The following MCPH1 variants were observed in gnomAD, a reference collection of about 807,000 sequenced individuals.
MCPH1 encodes microcephalin.
MCPH1 carries 104 observed loss-of-function variants against 84.5 expected under a neutral mutation model. The ratio of observed to expected loss-of-function variants is 1.23; its 90% CI spans 1.05 to 1.45. MCPH1 has a LOEUF of 1.45. Among genes scored for constraint, MCPH1 ranks in the 40% most tolerant of loss-of-function variants. MCPH1 has a pLI of 0.00. For synonymous variants in MCPH1, 514 were observed against 366.8 expected, an observed-to-expected ratio of 1.40 and a Z score of -4.58; for missense variants, 1,498 against 1,005.7, an observed-to-expected ratio of 1.49 and a Z score of -6.62.
chr8:6,450,194 T>C (rs993164135), intron 8 of MCPH1, among the ~76,000 whole-genome samples: 1 of 152,196 alleles, frequency 6.6e-6, no homozygotes, highest in African/African-American at 2.4e-5. Flanking sequence ...GATGGTTAAC[T>C]ACTCTTCTAC....
chr8:6,620,480 T>G (rs1486643930), intron 12 of MCPH1, among the ~76,000 whole-genome samples: 1 of 152,116 alleles, frequency 6.6e-6, no homozygotes, highest in Non-Finnish European at 1.5e-5. Context: ...AGGTCAGCCT[T>G]GCCTGCTGCC....
At chr8:6,411,373 A>T (rs1276928047) in intron 2 of MCPH1, among the ~76,000 whole-genome samples, 1 of 152,244 alleles carries the variant, frequency 6.6e-6, no homozygotes, top group African/African-American at 2.4e-5. Context: ...AATAAATAAC[A>T]AAAAGCAAGT....
intron 1 of MCPH1, among the ~76,000 whole-genome samples, chr8:6,408,416 C>G (rs556319596): frequency 5.9e-5 from 9 of 152,230 alleles, no homozygotes; most frequent in African/African-American, 2.2e-4. Context: ...GAGCCAGGGT[C>G]TCACTATGTT....
intron 12 of MCPH1, among the ~76,000 whole-genome samples, chr8:6,606,751 CA>C (rs1829808823): frequency 6.6e-6 from 1 of 152,298 alleles, no homozygotes; most frequent in Admixed American, 6.5e-5. Flanking sequence ...CTTGAGTTCC[CA>C]CATGTTGTGG....
intron 4 of MCPH1, among the ~76,000 whole-genome samples, chr8:6,434,908 G>C (rs1802420411): frequency 6.6e-6 from 1 of 152,194 alleles, no homozygotes; most frequent in Admixed American, 6.5e-5. Flanking sequence ...GTGAAGTTCA[G>C]TATGTGTATT....
At chr8:6,637,423 G>C (rs1797635391) in intron 13 of MCPH1, among the ~76,000 whole-genome samples, 1 of 152,196 alleles carries the variant, frequency 6.6e-6, no homozygotes, top group Non-Finnish European at 1.5e-5. Flanking sequence ...GGTAAGGGCT[G>C]AGAGGTCAGG....
chr8:6,604,662 G>C (rs1481455256), intron 12 of MCPH1, among the ~76,000 whole-genome samples: 1 of 152,180 alleles, frequency 6.6e-6, no homozygotes, highest in Non-Finnish European at 1.5e-5. Context: ...GTGCCACCAC[G>C]CCTGGCTAGT....
chr8:6,503,412 G>C (rs902360007), intron 12 of MCPH1: 2 of 741,090 alleles, frequency 2.7e-6, no homozygotes, highest in African/African-American at 3.5e-5. Flanking sequence ...TGCACTGGCA[G>C]AGGGATTGTT....
At chr8:6,566,418 A>G (rs1228124610) in intron 12 of MCPH1, among the ~76,000 whole-genome samples, 3 of 151,912 alleles carry the variant, frequency 2.0e-5, no homozygotes, top group African/African-American at 7.3e-5. Flanking sequence ...TCCACAGTCC[A>G]CACAGTGCAA....
At position 6,647,867 on chromosome 8, in the gene MCPH1, C is replaced by T. The variant is rs1399583428; in HGVS notation, c.*4818C>T. 3.3e-5 allele frequency: 5 copies of T among 152,092 alleles called. No individual in the cohort carries two copies. Among genetic ancestry groups the T allele is most frequent in the Non-Finnish European group, 4.4e-5 (3 of 68,028 alleles). The allele number at this position is 152,092 out of a possible 1,614,324, so 9.4% of individuals were successfully genotyped here. A position where few individuals can be genotyped will look rare whatever the true frequency, so the allele number is the denominator to read the frequency against. The stretch of plus-strand genomic sequence containing the variant: ...CATTTACTAAAATCAATGAACAGAA[C>T]ACTTTTAATGGGTAAGCCTTAAGGC... On this transcript the variant is annotated 3_prime_UTR_variant, in exon 14 of 14. Coordinates refer to ENST00000344683, the MANE Select transcript of MCPH1 (RefSeq NM_024596.5).
intron 13 of MCPH1, among the ~76,000 whole-genome samples, chr8:6,637,104 C>T (rs1797610172): frequency 6.6e-6 from 1 of 152,220 alleles, no homozygotes. Context: ...GTCATTCATT[C>T]ATTTACCCAG....
chr8:6,571,742 C>G (rs1216324712), intron 12 of MCPH1, among the ~76,000 whole-genome samples: 1 of 152,108 alleles, frequency 6.6e-6, no homozygotes, highest in East Asian at 1.9e-4. Flanking sequence ...CTTTTGGTAT[C>G]CCCATCCATC....
At chr8:6,474,150 C>G (rs968214828) in intron 9 of MCPH1, 32 of 754,296 alleles carry the variant, frequency 4.2e-5, no homozygotes, top group Non-Finnish European at 6.7e-5. Flanking sequence ...ACTCCACATT[C>G]TCTCATTTGG....
At chr8:6,555,589 G>A (rs1381924612) in intron 12 of MCPH1, among the ~76,000 whole-genome samples, 1 of 151,742 alleles carries the variant, frequency 6.6e-6, no homozygotes, top group Non-Finnish European at 1.5e-5. Flanking sequence ...ATCCTCCTGA[G>A]TAGCTGAGAC....
At chr8:6,489,941 T>G (rs1445901291) in intron 11 of MCPH1, among the ~76,000 whole-genome samples, 1 of 152,236 alleles carries the variant, frequency 6.6e-6, no homozygotes, top group Non-Finnish European at 1.5e-5. Context: ...AACCAACAAG[T>G]CGAGAGGGTA....
intron 12 of MCPH1, among the ~76,000 whole-genome samples, chr8:6,609,828 C>CCACACA (rs1554476435): frequency 1.9e-4 from 21 of 108,690 alleles, no homozygotes; most frequent in Admixed American, 3.5e-4. Flanking sequence ...CGCCCCCCCC[C>CCACACA]CACACACAGA....
chr8:6,503,906 G>C (rs371020843), intron 12 of MCPH1, among the ~76,000 whole-genome samples: 1 of 152,296 alleles, frequency 6.6e-6, no homozygotes, highest in African/African-American at 2.4e-5. Context: ...GAGCATGCTG[G>C]GGTTTGTGAG....
chr8:6,428,361 A>T (rs1563193275), intron 3 of MCPH1, among the ~76,000 whole-genome samples: 2 of 152,186 alleles, frequency 1.3e-5, no homozygotes, highest in Non-Finnish European at 2.9e-5. Context: ...CAGCTCCATT[A>T]TAATCTTATG....
chr8:6,465,338 G>A (rs1156555246), intron 9 of MCPH1, among the ~76,000 whole-genome samples: 2 of 152,170 alleles, frequency 1.3e-5, no homozygotes, highest in East Asian at 1.9e-4. Flanking sequence ...TTTAGGCAGC[G>A]GCCACTTCCC....
Sources: allele counts gnomAD v4.1 joint callset (sites outside exome capture counted in the v4.1 genomes callset), GRCh38; gene constraint gnomAD v4.1.1; transcripts MANE v1.5; gene names NCBI Gene and HGNC (gene_info 2026-07-23, HGNC 2026-07-21).